KCNK9: variants seen among roughly 807,000 people sequenced by gnomAD.
The protein encoded by KCNK9 is potassium two pore domain channel subfamily K member 9.
In KCNK9, 1 loss-of-function variant was observed where a neutral mutation model predicts 10.8. That is an observed-to-expected ratio of 0.09 (90% CI 0.03 to 0.44). KCNK9 has a LOEUF of 0.44. Among genes scored for constraint, KCNK9 ranks in the 20% least tolerant of loss-of-function variants. The pLI is 0.97. For synonymous variants in KCNK9, 231 were observed against 222.7 expected, an observed-to-expected ratio of 1.04 and a Z score of -0.33; for missense variants, 303 against 515.0, an observed-to-expected ratio of 0.59 and a Z score of 3.98.
At chr8:139,698,770 C>T (rs887662659) in intron 1 of KCNK9, among the ~76,000 whole-genome samples, 2 of 152,142 alleles carry the variant, frequency 1.3e-5, no homozygotes, top group African/African-American at 4.8e-5. Context: ...ACCAAGAGTG[C>T]CAGGAAAAAA....
At chr8:139,620,198 C>T (rs1281545518) in intron 1 of KCNK9, among the ~76,000 whole-genome samples, 1 of 152,092 alleles carries the variant, frequency 6.6e-6, no homozygotes, top group Admixed American at 6.6e-5. Context: ...GGGACTAACA[C>T]TACCCAGAAT....
downstream of KCNK9, chr8:139,612,555 A>AG (rs79186831): frequency 1 from 152,264 of 152,268 alleles, 76,130 homozygotes; most frequent in Middle Eastern, 1. Flanking sequence ...GAATGAGTAG[A>AG]GCATTCGCCC....
At chr8:139,619,156 G>T in intron 1 of KCNK9, 57 bp from the exon 2 acceptor site, 1 of 1,602,510 alleles carries the variant, frequency 6.2e-7, no homozygotes, top group Non-Finnish European at 8.5e-7. Context: ...TCTAGAGGTT[G>T]GGGGAAGGGA....
At chr8:139,674,820 G>A (rs1816513372) in intron 1 of KCNK9, among the ~76,000 whole-genome samples, 1 of 152,142 alleles carries the variant, frequency 6.6e-6, no homozygotes, top group Non-Finnish European at 1.5e-5. Context: ...GGCCTGCGAG[G>A]CCCACACCCA....
intron 1 of KCNK9, among the ~76,000 whole-genome samples, chr8:139,652,598 G>A (rs570486958): frequency 7.2e-5 from 11 of 152,300 alleles, no homozygotes; most frequent in East Asian, 1.9e-4. Flanking sequence ...TCTAAGGGCC[G>A]GATTCTCCTG....
At chr8:139,603,739 A>G (rs1052887987) in intron 2 of KCNK9, among the ~76,000 whole-genome samples, 2 of 152,242 alleles carry the variant, frequency 1.3e-5, no homozygotes, top group African/African-American at 2.4e-5. Flanking sequence ...CTAAAATAAT[A>G]GAAAAGCCAG....
chr8:139,656,484 A>G (rs1816024469), intron 1 of KCNK9, among the ~76,000 whole-genome samples: 1 of 151,976 alleles, frequency 6.6e-6, no homozygotes, highest in Admixed American at 6.6e-5. Context: ...CCTCTCCCTC[A>G]CAATCTGCAG....
At chr8:139,651,380 G>A (rs538935972) in intron 1 of KCNK9, among the ~76,000 whole-genome samples, 5 of 152,308 alleles carry the variant, frequency 3.3e-5, no homozygotes, top group South Asian at 4.1e-4. Flanking sequence ...GGATGGGCAC[G>A]GCAACCACAC....
chr8:139,691,557 A>C (rs1239884293), intron 1 of KCNK9, among the ~76,000 whole-genome samples: 1 of 152,178 alleles, frequency 6.6e-6, no homozygotes, highest in African/African-American at 2.4e-5. Context: ...GATCTCACAG[A>C]ATCCACACAC....
intron 1 of KCNK9, among the ~76,000 whole-genome samples, chr8:139,628,881 G>GC (rs920965414): frequency 6.6e-6 from 1 of 152,164 alleles, no homozygotes; most frequent in Non-Finnish European, 1.5e-5. Context: ...GAGCCCTAGG[G>GC]CCCCTTCCTG....
intron 1 of KCNK9, among the ~76,000 whole-genome samples, chr8:139,625,637 T>C (rs910059936): frequency 3.3e-5 from 5 of 151,746 alleles, no homozygotes; most frequent in African/African-American, 4.8e-5. Context: ...CTCTTTAATA[T>C]ACTTAGTGGG....
chr8:139,666,999 T>C (rs1816317574), intron 1 of KCNK9, among the ~76,000 whole-genome samples: 1 of 152,220 alleles, frequency 6.6e-6, no homozygotes, highest in Non-Finnish European at 1.5e-5. Flanking sequence ...TCTGTAGCCA[T>C]GCCCAGGTGA....
chr8:139,651,825 C>T (rs942073018), intron 1 of KCNK9, among the ~76,000 whole-genome samples: 1 of 152,142 alleles, frequency 6.6e-6, no homozygotes, highest in African/African-American at 2.4e-5. Context: ...TGCTGTATTG[C>T]CCCTTGGCCC....
chr8:139,672,413 T>C (rs1249699648), intron 1 of KCNK9, among the ~76,000 whole-genome samples: 1 of 152,194 alleles, frequency 6.6e-6, no homozygotes, highest in Non-Finnish European at 1.5e-5. Context: ...CAGACAATGT[T>C]CTGGGTAACA....
intron 1 of KCNK9, among the ~76,000 whole-genome samples, chr8:139,667,205 C>A (rs992706797): frequency 6.6e-6 from 1 of 152,222 alleles, no homozygotes; most frequent in African/African-American, 2.4e-5. Context: ...TCAGACCAGT[C>A]CCCACAGGGG....
rs534040847 is a variant in KCNK9 at position 139,620,919 on chromosome 8, G to A, written c.284-1820C>T. Among the ~76,000 whole-genome samples the A allele has an allele frequency of 1.6e-3, 239 of 152,312 alleles. 2 individuals carry two copies. Among genetic ancestry groups the A allele is most frequent in the African/African-American group, 5.6e-3 (232 of 41,582 alleles). The stretch of plus-strand genomic sequence containing the variant: ...TTGAAAATAAAGCCTGGGGGGAGCT[G>A]TAGGGCAATATCAAAAGGTGTCCCA... On this transcript the variant is annotated intron_variant, in intron 1 of 1. Coordinates refer to ENST00000520439, the MANE Select transcript of KCNK9 (RefSeq NM_001282534.2).
intron 1 of KCNK9, among the ~76,000 whole-genome samples, chr8:139,642,597 C>T (rs1256710332): frequency 2.6e-5 from 4 of 152,240 alleles, no homozygotes; most frequent in African/African-American, 9.6e-5. Context: ...CCTCCTCCCA[C>T]ACCTGGCCGG....
chr8:139,623,594 C>A (rs1157082929), intron 1 of KCNK9, among the ~76,000 whole-genome samples: 1 of 152,104 alleles, frequency 6.6e-6, no homozygotes, highest in Non-Finnish European at 1.5e-5. Flanking sequence ...GCTCAGGAAC[C>A]ACACATGCCC....
At chr8:139,615,833 G>T (rs1281568530), downstream of KCNK9, 1 of 152,012 alleles carries the variant, frequency 6.6e-6, no homozygotes, top group Non-Finnish European at 1.5e-5. Flanking sequence ...TCAAGCAGAA[G>T]TATGGCTCCT....
Sources: gnomAD v4.1 joint callset for allele counts (sites outside exome capture counted in the v4.1 genomes callset) on GRCh38, gnomAD v4.1.1 for gene constraint, MANE v1.5 for transcripts, NCBI Gene and HGNC (gene_info 2026-07-23, HGNC 2026-07-21) for gene names.